The following HYAL4 variants were observed in gnomAD, a reference collection of about 807,000 sequenced individuals.
HYAL4 encodes hyaluronidase 4.
In HYAL4, 37 loss-of-function variants were observed where a neutral mutation model predicts 35.2. That is an observed-to-expected ratio of 1.05 (90% CI 0.81 to 1.38). HYAL4 has a LOEUF of 1.38. Among genes scored for constraint, HYAL4 ranks in the 40% most tolerant of loss-of-function variants. The probability of loss-of-function intolerance (pLI) is 0.00; values close to 1 mark genes in which losing one functional copy is unlikely to be tolerated. For missense variants in HYAL4, 572 were observed against 572.4 expected (o/e 1.00, Z 0.01); for synonymous variants, 198 against 203.2 (o/e 0.97, Z 0.22).
intron 2 of HYAL4, among the ~76,000 whole-genome samples, chr7:123,860,893 A>G (rs996574235): frequency 6.6e-6 from 1 of 152,182 alleles, no homozygotes; most frequent in Non-Finnish European, 1.5e-5. Context: ...TAAAATATAT[A>G]TGCTTGTACA....
At chr7:123,831,520 T>A (rs1805882397) in intron 1 of HYAL4, among the ~76,000 whole-genome samples, 1 of 152,244 alleles carries the variant, frequency 6.6e-6, no homozygotes, top group African/African-American at 2.4e-5. Context: ...TAAATCTCTC[T>A]GAGGCTGTTA....
intron 2 of HYAL4, among the ~76,000 whole-genome samples, chr7:123,853,253 G>C (rs988141377): frequency 1.3e-5 from 2 of 152,180 alleles, no homozygotes; most frequent in Non-Finnish European, 2.9e-5. Flanking sequence ...GCCCTAGCCA[G>C]AACTTCCAAT....
chr7:123,807,361 G>A, the HYAL4 span, among the ~76,000 whole-genome samples: 7 of 151,358 alleles, frequency 4.6e-5, no homozygotes, highest in Non-Finnish European at 1.0e-4. Context: ...GATCAATGCT[G>A]GATGTCATCA....
At chr7:123,766,690 C>T in the HYAL4 span, among the ~76,000 whole-genome samples, 2 of 152,104 alleles carry the variant, frequency 1.3e-5, no homozygotes, top group African/African-American at 4.8e-5. Context: ...TAACAGTCTT[C>T]ATATAAGTAC....
intron 2 of HYAL4, among the ~76,000 whole-genome samples, chr7:123,855,089 T>C (rs551580498): frequency 2.0e-5 from 3 of 152,312 alleles, no homozygotes; most frequent in South Asian, 2.1e-4. Flanking sequence ...TTTGAACTTA[T>C]ATGTGTCTTT....
chr7:123,827,308 A>G (rs990430843), upstream of HYAL4, among the ~76,000 whole-genome samples: 16 of 152,242 alleles, frequency 1.1e-4, no homozygotes, highest in African/African-American at 3.6e-4. Context: ...TAAGTGAAGA[A>G]GGTATTTCAA....
At chr7:123,849,547 C>T (rs1024539726) in intron 2 of HYAL4, among the ~76,000 whole-genome samples, 45 of 152,114 alleles carry the variant, frequency 3.0e-4, no homozygotes, top group African/African-American at 8.7e-4. Context: ...AGTGATTGGA[C>T]CATTTTGGCC....
chr7:123,803,904 A>G, the HYAL4 span, among the ~76,000 whole-genome samples: 19 of 152,278 alleles, frequency 1.2e-4, no homozygotes, highest in East Asian at 2.1e-3. Context: ...TACCACCTCC[A>G]GCTTGAAGTT....
chr7:123,777,189 A>G, the HYAL4 span, among the ~76,000 whole-genome samples: 2 of 152,124 alleles, frequency 1.3e-5, no homozygotes, highest in African/African-American at 4.8e-5. Flanking sequence ...TCTGTGCTGA[A>G]TGGTAGCCAC....
At chr7:123,859,426 T>C (rs1806532253) in intron 2 of HYAL4, among the ~76,000 whole-genome samples, 1 of 152,206 alleles carries the variant, frequency 6.6e-6, no homozygotes, top group African/African-American at 2.4e-5. Flanking sequence ...TCAGTGTTCC[T>C]ACCGAACACC....
the HYAL4 span, among the ~76,000 whole-genome samples, chr7:123,806,314 C>T: frequency 6.6e-6 from 1 of 152,176 alleles, no homozygotes; most frequent in African/African-American, 2.4e-5. Flanking sequence ...GAGGCCCCAA[C>T]CTTGCCAAAG....
the HYAL4 span, among the ~76,000 whole-genome samples, chr7:123,800,654 C>CT: frequency 1.7e-4 from 25 of 146,596 alleles, no homozygotes; most frequent in Middle Eastern, 3.5e-3. Flanking sequence ...TTTTTTCTCT[C>CT]TTTTTTTTTT....
chr7:123,841,547 G>C (rs557627661), upstream of HYAL4, among the ~76,000 whole-genome samples: 1 of 152,082 alleles, frequency 6.6e-6, no homozygotes, highest in South Asian at 2.1e-4. Flanking sequence ...CTATTGTTTG[G>C]AATAGTTTCA....
upstream of HYAL4, among the ~76,000 whole-genome samples, chr7:123,824,338 G>A (rs911804457): frequency 5.3e-5 from 8 of 152,140 alleles, no homozygotes; most frequent in African/African-American, 1.9e-4. Context: ...GATCTGAGGT[G>A]TGGAGAAGAG....
the HYAL4 span, among the ~76,000 whole-genome samples, chr7:123,764,974 G>C: frequency 6.6e-6 from 1 of 152,136 alleles, no homozygotes; most frequent in African/African-American, 2.4e-5. Context: ...CAAAGTGTCA[G>C]ATTGCCCAGC....
the HYAL4 span, among the ~76,000 whole-genome samples, chr7:123,768,366 T>C: frequency 6.6e-6 from 1 of 152,230 alleles, no homozygotes; most frequent in Non-Finnish European, 1.5e-5. Flanking sequence ...TATTTTGTAC[T>C]TTCTGGTTTG....
intron 4 of HYAL4, among the ~76,000 whole-genome samples, chr7:123,875,294 G>A (rs1480267622): frequency 2.0e-5 from 3 of 152,174 alleles, no homozygotes; most frequent in Non-Finnish European, 2.9e-5. Flanking sequence ...GTAGAAACAG[G>A]TGGTAACTTT....
rs546971587 is a variant in HYAL4, at chr7:123,851,298, G to A, written c.-52+3140G>A. On this transcript the variant is annotated intron_variant, in intron 2 of 4. Transcript: ENST00000223026. ...TGGGATACATCTGCAGAATGTGTGG[G>A]TTTGTTACGTAGCTATACATGTGTC... 1.2e-4 allele frequency among the ~76,000 whole-genome samples: 19 copies of A among 152,098 alleles called. No individual in the cohort carries two copies. In the South Asian group the frequency reaches 4.0e-3, roughly 32 times the overall value.
At chr7:123,860,383 G>A (rs1806551117) in intron 2 of HYAL4, among the ~76,000 whole-genome samples, 1 of 152,092 alleles carries the variant, frequency 6.6e-6, no homozygotes, top group Non-Finnish European at 1.5e-5. Flanking sequence ...TGTAATTTGT[G>A]TGTGTATGTG....
Sources: allele counts gnomAD v4.1 joint callset (sites outside exome capture counted in the v4.1 genomes callset), GRCh38; gene constraint gnomAD v4.1.1; transcripts MANE v1.5; gene names NCBI Gene and HGNC (gene_info 2026-07-23, HGNC 2026-07-21).